Variants in DCP2 observed in about 807,000 individuals in gnomAD.
The protein encoded by DCP2 is decapping mRNA 2, also known as m7GpppN-mRNA hydrolase.
Under a neutral mutation model 56.1 loss-of-function variants are expected in DCP2, and 30 were observed. The observed-to-expected ratio is 0.53, with a 90% CI of 0.40 to 0.73. The LOEUF is 0.73. Ranked by LOEUF, DCP2 falls within the 30% of genes least tolerant of loss-of-function variation. The pLI, the probability that DCP2 is intolerant of heterozygous loss-of-function variation, is 0.00. For missense variants in DCP2, 533 were observed against 502.7 expected (o/e 1.06, Z -0.58); for synonymous variants, 197 against 163.3 (o/e 1.21, Z -1.57).
chr5:112,986,177 CATAAT>C (rs1355690432), intron 2 of DCP2, among the ~76,000 whole-genome samples, 191 bp downstream of exon 2: 2 of 152,018 alleles, frequency 1.3e-5, no homozygotes, highest in African/African-American at 4.8e-5. Context: ...CATTAATACT[CATAAT>C]AATCATACAG....
chr5:113,004,722 C>T (rs1398261091), intron 8 of DCP2, among the ~76,000 whole-genome samples: 2 of 152,010 alleles, frequency 1.3e-5, no homozygotes, highest in Non-Finnish European at 2.9e-5. Context: ...TTATTTATAT[C>T]CTCAGCAAAA....
chr5:112,981,468 T>C (rs1747999313), intron 1 of DCP2, among the ~76,000 whole-genome samples: 1 of 152,214 alleles, frequency 6.6e-6, no homozygotes, highest in East Asian at 1.9e-4. Context: ...TTGATAATAT[T>C]TATATTCTAT....
chr5:112,988,279 G>A (rs190837982), intron 2 of DCP2, among the ~76,000 whole-genome samples: 48 of 149,814 alleles, frequency 3.2e-4, no homozygotes, highest in African/African-American at 9.6e-4. Flanking sequence ...TCAGGAGATC[G>A]AGACCATCCT....
intron 2 of DCP2, among the ~76,000 whole-genome samples, chr5:112,988,451 C>T (rs1748411213): frequency 6.8e-6 from 1 of 146,082 alleles, no homozygotes; most frequent in Non-Finnish European, 1.5e-5. Context: ...GAGTTCGCGC[C>T]ACTGCACTCC....
chr5:113,005,091 T>C (rs1208822960), intron 8 of DCP2, among the ~76,000 whole-genome samples: 2 of 151,578 alleles, frequency 1.3e-5, no homozygotes, highest in Admixed American at 6.6e-5. Context: ...ATCGCGCCAT[T>C]GCACTCCAGC....
In DCP2 at chr5:113,001,614, G is replaced by A; in HGVS notation, c.746G>A (p.Ser249Asn). Reference protein sequence around the residue: ...LSRRFGDSSDSDNGFSSTGST... With the variant: ...LSRRFGDSSDNDNGFSSTGST... Reference sequence around the variant, plus strand: ...CGAAGATTTGGCGATTCCTCAGACAGTGACAATGGATTTTCCTCAACTGGT... The same window carrying A: ...CGAAGATTTGGCGATTCCTCAGACAATGACAATGGATTTTCCTCAACTGGT... The change falls in exon 7 of 11, where the codon AGT (serine) becomes AAT (asparagine). Residue 249 changes from serine (S) to asparagine (N), a missense_variant. Physicochemically the swap from Ser to Asn is conservative, Grantham distance 46. Around this residue, in one of 3 missense-constraint regions of DCP2, gnomAD observed 392 missense variants for 346.6 expected, o/e 1.13. Transcript: ENST00000389063. 1 of 1,614,198 alleles carries A rather than the reference G, an allele frequency of 6.2e-7. No homozygotes were observed. The highest frequency in any genetic ancestry group is 8.5e-7 in the Non-Finnish European group (1 of 1,180,028).
At position 113,001,510 on chromosome 5, in the gene DCP2, A is replaced by G. The variant is rs755647535; in HGVS notation, c.698+41A>G. 1.6e-5 allele frequency: 25 copies of G among 1,605,760 alleles called. 1 individual carries two copies. Among genetic ancestry groups the G allele is most frequent in the East Asian group, 1.3e-4 (6 of 44,830 alleles). On this transcript the variant is annotated intron_variant, in intron 6 of 10. Coordinates refer to ENST00000389063, the MANE Select transcript of DCP2 (RefSeq NM_152624.6). ...TTGAAATGTAACTTTCATGATTGGG[A>G]TAGTCATCTTCTGTCTGTAGCCATA...
At position 113,003,957 on chromosome 5, in the gene DCP2, C is replaced by T. The variant is rs747430183; in HGVS notation, c.822C>T (p.Arg274=). The T allele has an allele frequency of 5.6e-6, 9 of 1,614,082 alleles. No individual in the cohort carries two copies. Among genetic ancestry groups the T allele is most frequent in the Non-Finnish European group, 7.6e-6 (9 of 1,180,012 alleles). The change falls in exon 8 of 11, where the codon CGC becomes CGT. Residue 274 remains arginine (R), a synonymous_variant. Coordinates refer to ENST00000389063, the MANE Select transcript of DCP2 (RefSeq NM_152624.6). ...TVEKLSRTKF[R]HSQQLFPDGS... Reference sequence around the variant, plus strand: ...CTTGGTGTAGTCGAACCAAATTCCGCCACAGTCAGCAGTTATTTCCTGACG... The same window carrying T: ...CTTGGTGTAGTCGAACCAAATTCCGTCACAGTCAGCAGTTATTTCCTGACG...
intron 4 of DCP2, among the ~76,000 whole-genome samples, chr5:113,000,219 A>G (rs1029116912): frequency 4.0e-5 from 6 of 151,874 alleles, no homozygotes; most frequent in African/African-American, 1.5e-4. Context: ...TGGCCTCCCA[A>G]AGTACTGAGA....
chr5:112,997,613 C>CTTTTTTT (rs555386404), intron 4 of DCP2, among the ~76,000 whole-genome samples: 3 of 140,862 alleles, frequency 2.1e-5, no homozygotes, highest in African/African-American at 2.6e-5. Context: ...TTTTCTTTTT[C>CTTTTTTT]TTTTTTTTTT....
chr5:112,984,702 AAATATATATAT>A (rs1385308844), intron 1 of DCP2: 1 of 107,224 alleles, frequency 9.3e-6, no homozygotes, highest in African/African-American at 4.1e-5. Flanking sequence ...AAAAAAAAAA[AAATATATATAT>A]ATATATATAT....
In DCP2 at chr5:113,014,465, G is replaced by A. The variant is rs1354286657; in HGVS notation, c.*981G>A. ...GCTTTTATTGACCTGCTAAGCCCCT[G>A]GATGATGGAGCGAGAAGGGAAGGGG... On this transcript the variant is annotated 3_prime_UTR_variant, in exon 11 of 11. Transcript: ENST00000389063. 1 of 152,496 alleles carries A rather than the reference G, an allele frequency of 6.6e-6. No homozygotes were observed. The highest frequency in any genetic ancestry group is 1.5e-5 in the Non-Finnish European group (1 of 68,032). The allele number at this position is 152,496 out of a possible 1,614,324, so 9.4% of individuals were successfully genotyped here. A position where few individuals can be genotyped will look rare whatever the true frequency, so the allele number is the denominator to read the frequency against.
At chr5:113,012,291 T>G (rs1182948011) in intron 10 of DCP2, among the ~76,000 whole-genome samples, 10 of 152,018 alleles carry the variant, frequency 6.6e-5, no homozygotes. Context: ...GCCCAGGAGG[T>G]TGAGGCTGAA....
chr5:113,022,040 G>A lies in DCP2; in HGVS notation c.*8556G>A, dbSNP rs1333096315. The A allele has an allele frequency of 2.0e-5, 3 of 152,100 alleles. No homozygotes were observed. The highest frequency in any genetic ancestry group is 1.5e-5 in the Non-Finnish European group (1 of 68,020). 9.4% of individuals were successfully genotyped at this position (152,100 alleles called of 1,614,324 possible). On this transcript the variant is annotated 3_prime_UTR_variant, in exon 11 of 11. Transcript: ENST00000389063. ...AGCATCATGGATTTGATATTTGCCTGCATGTATATCACAGTTCTACAGAAG... is the reference window on the plus strand; with the variant it reads ...AGCATCATGGATTTGATATTTGCCTACATGTATATCACAGTTCTACAGAAG...
At position 113,021,872 on chromosome 5, in the gene DCP2, TTCAATA is replaced by T. The variant is rs2150200532; in HGVS notation, c.*8389_*8394del. 6.6e-6 allele frequency among the ~76,000 whole-genome samples: 1 copy of T among 152,328 alleles called. No homozygotes were observed. Among genetic ancestry groups the T allele is most frequent in the South Asian group, 2.1e-4 (1 of 4,824 alleles). On this transcript the variant is annotated 3_prime_UTR_variant, in exon 11 of 11. Transcript: ENST00000389063. ...TTCTTTAAGAGGGGAAAAGACTCTC[TTCAATA>T]GATAACTTCCTATTTATGCCAAATT...
At chr5:113,001,708 T>C in intron 7 of DCP2, 34 bp downstream of exon 7, 1 of 1,575,314 alleles carries the variant, frequency 6.3e-7, no homozygotes, top group South Asian at 1.1e-5. Context: ...CCTGATTTTC[T>C]AATAGTTTTT....
At chr5:112,988,470 T>C (rs1266572588) in intron 2 of DCP2, among the ~76,000 whole-genome samples, 13 of 123,602 alleles carry the variant, frequency 1.1e-4, no homozygotes, top group Admixed American at 6.6e-4. Context: ...CCAGCCTGGG[T>C]GACACAGCGA....
rs968706580 is a variant in DCP2 at position 112,976,838 on chromosome 5, C to T, written c.-96C>T. On this transcript the variant is annotated 5_prime_UTR_variant, in exon 1 of 11. Transcript: ENST00000389063. ...GTCGTCTCTGCCGCGGCTTCCTCGG[C>T]TGCCAGCTCTCCGGCGAGCCGGAGT... is the stretch of plus-strand genomic sequence containing the variant. 6.0e-6 allele frequency: 8 copies of T among 1,333,858 alleles called. No homozygotes were observed. The highest frequency in any genetic ancestry group is 2.9e-5 in the African/African-American group (2 of 69,312). The allele number at this position is 1,333,858 out of a possible 1,614,324, so 82.6% of individuals were successfully genotyped here.
chr5:112,992,939 A>G (rs1580808685), intron 4 of DCP2, among the ~76,000 whole-genome samples, 169 bp downstream of exon 4: 1 of 150,788 alleles, frequency 6.6e-6, no homozygotes, highest in East Asian at 1.9e-4. Context: ...TGTTTTATCC[A>G]CATCTCTTTT....
Sources: allele counts gnomAD v4.1 joint callset (sites outside exome capture counted in the v4.1 genomes callset), GRCh38; gene constraint gnomAD v4.1.1; regional missense constraint gnomAD v4.1.1; transcripts MANE v1.5; gene names NCBI Gene and HGNC (gene_info 2026-07-23, HGNC 2026-07-21).